Variants in LOXL2 observed in about 807,000 individuals in gnomAD.
The protein encoded by LOXL2 is lysyl oxidase homolog 2.
LOXL2 carries 70 observed loss-of-function variants against 93.0 expected under a neutral mutation model. That is an observed-to-expected ratio of 0.75 (90% confidence interval 0.62 to 0.92). The LOEUF (loss-of-function observed/expected upper bound fraction) is 0.92. Ranked by LOEUF, LOXL2 falls within the 40% of genes least tolerant of loss-of-function variation. The pLI is 0.00. For missense variants in LOXL2, 973 were observed against 1,054.9 expected, an observed-to-expected ratio of 0.92 and a Z score of 1.08; for synonymous variants, 438 against 413.2, an observed-to-expected ratio of 1.06 and a Z score of -0.73.
chr8:23,329,382 TG>T (rs1175734479), intron 5 of LOXL2, among the ~76,000 whole-genome samples: 1 of 152,242 alleles, frequency 6.6e-6, no homozygotes, highest in Non-Finnish European at 1.5e-5. Flanking sequence ...ACTGACAGTC[TG>T]GAAGCTTTAA....
intron 9 of LOXL2, among the ~76,000 whole-genome samples, chr8:23,313,960 A>AACAC (rs1803353814): frequency 2.2e-5 from 2 of 88,940 alleles, no homozygotes; most frequent in South Asian, 6.4e-4. Flanking sequence ...GAAAAAAACA[A>AACAC]CCCCATCAAA....
intron 10 of LOXL2, among the ~76,000 whole-genome samples, chr8:23,305,641 G>A (rs1176234379): frequency 6.6e-6 from 1 of 152,038 alleles, no homozygotes; most frequent in African/African-American, 2.4e-5. Context: ...TGACCCTTGG[G>A]CATCTAGGAG....
intron 1 of LOXL2, among the ~76,000 whole-genome samples, chr8:23,388,623 T>TCA (rs10522826): frequency 0.019 from 2,729 of 142,854 alleles, 34 homozygotes; most frequent in Middle Eastern, 0.05. Flanking sequence ...AAAAATATAC[T>TCA]CACACACACA....
Position 23,316,800 on chromosome 8 carries a change from T to A in LOXL2, c.1636+149A>T. ...CTGTGGTTGGGGTGGCGGTCATCTC[T>A]CTTGCCCCCAGTTTTTCTCCCTTAG... On this transcript the variant is annotated intron_variant, in intron 9 of 13. Coordinates refer to ENST00000389131, the MANE Select transcript of LOXL2 (RefSeq NM_002318.3). 3 of 787,794 alleles carry A rather than the reference T, an allele frequency of 3.8e-6. No homozygotes were observed. The Admixed American group carries it at 9.7e-5, about 26-fold the overall frequency. 48.8% of individuals were successfully genotyped at this position (787,794 alleles called of 1,614,324 possible).
At chr8:23,329,439 C>T (rs1473038738) in intron 5 of LOXL2, among the ~76,000 whole-genome samples, 12 of 152,198 alleles carry the variant, frequency 7.9e-5, no homozygotes, top group East Asian at 1.9e-4. Context: ...AGACTCTCTA[C>T]GTCTTGGCCA....
At chr8:23,382,168 T>C (rs189058022) in intron 1 of LOXL2, among the ~76,000 whole-genome samples, 1 of 152,248 alleles carries the variant, frequency 6.6e-6, no homozygotes, top group Non-Finnish European at 1.5e-5. Context: ...CAGAAAACCA[T>C]GTCCCCTTTT....
intron 10 of LOXL2, among the ~76,000 whole-genome samples, chr8:23,304,863 C>T (rs905386221): frequency 6.6e-6 from 1 of 152,084 alleles, no homozygotes; most frequent in Admixed American, 6.6e-5. Flanking sequence ...AGTGGGGGCA[C>T]GGGGAACGGG....
At chr8:23,304,121 G>T (rs991804845) in intron 10 of LOXL2, among the ~76,000 whole-genome samples, 1 of 149,904 alleles carries the variant, frequency 6.7e-6, no homozygotes, top group Non-Finnish European at 1.5e-5. Context: ...TCATCCTCAG[G>T]GGCACACAGC....
At chr8:23,366,400 A>G (rs17089165) in intron 2 of LOXL2, among the ~76,000 whole-genome samples, 7,504 of 152,298 alleles carry the variant, frequency 0.049, 587 homozygotes, top group African/African-American at 0.17. Flanking sequence ...GAAATTTTCA[A>G]TTGCATGGAG....
chr8:23,358,834 C>T (rs1450115637), intron 3 of LOXL2, among the ~76,000 whole-genome samples: 1 of 148,986 alleles, frequency 6.7e-6, no homozygotes, highest in African/African-American at 2.5e-5. Context: ...TGGGGAGGCC[C>T]CAGTACCTGC....
At chr8:23,383,648 T>G (rs922056596) in intron 1 of LOXL2, among the ~76,000 whole-genome samples, 3 of 23,216 alleles carry the variant, frequency 1.3e-4, no homozygotes, top group African/African-American at 1.2e-3. Context: ...ACTTTTACGT[T>G]TTTTTTTTGT....
In LOXL2 at chr8:23,297,424, C is replaced by CT. The variant is rs1382782676; in HGVS notation, c.*618dup. The stretch of plus-strand genomic sequence containing the variant: ...GCCAATAAATTTGTGCTTCAAAAGT[C>CT]TGTGAAAATATAATAATAGTATCTT... On this transcript the variant is annotated 3_prime_UTR_variant, in exon 14 of 14. Transcript: ENST00000389131. 2 of 152,160 alleles carry CT rather than the reference C, an allele frequency of 1.3e-5. No individual in the cohort carries two copies. Among genetic ancestry groups the CT allele is most frequent in the Non-Finnish European group, 2.9e-5 (2 of 68,062 alleles). 9.4% of individuals were successfully genotyped at this position (152,160 alleles called of 1,614,324 possible).
At chr8:23,400,362 C>A (rs972066231) in intron 1 of LOXL2, among the ~76,000 whole-genome samples, 21 of 152,230 alleles carry the variant, frequency 1.4e-4, no homozygotes, top group African/African-American at 3.6e-4. Context: ...TGGTGGCAGG[C>A]AAGAGAGCAT....
chr8:23,347,741 G>C (rs1239026496), intron 3 of LOXL2, among the ~76,000 whole-genome samples: 1 of 152,106 alleles, frequency 6.6e-6, no homozygotes, highest in Non-Finnish European at 1.5e-5. Flanking sequence ...AACTGAAGCA[G>C]GAGGATAGCT....
At chr8:23,308,133 C>T (rs868821773) in intron 10 of LOXL2, among the ~76,000 whole-genome samples, 10 of 152,072 alleles carry the variant, frequency 6.6e-5, no homozygotes, top group African/African-American at 2.2e-4. Context: ...TCTAGGAGAA[C>T]GAAGGTTCCC....
At chr8:23,332,904 A>C (rs1803727373) in intron 5 of LOXL2, among the ~76,000 whole-genome samples, 1 of 141,546 alleles carries the variant, frequency 7.1e-6, no homozygotes, top group Non-Finnish European at 1.5e-5. Flanking sequence ...CCATACACAT[A>C]CACCCCCCCC....
At chr8:23,327,523 A>G (rs1162165490) in intron 6 of LOXL2, among the ~76,000 whole-genome samples, 1 of 152,028 alleles carries the variant, frequency 6.6e-6, no homozygotes, top group Non-Finnish European at 1.5e-5. Context: ...TCCCAGCCAT[A>G]GCAGCCGACG....
intron 9 of LOXL2, among the ~76,000 whole-genome samples, chr8:23,311,562 A>T (rs553834260): frequency 6.6e-6 from 1 of 151,650 alleles, no homozygotes; most frequent in South Asian, 2.1e-4. Context: ...GGGATCGTTA[A>T]TGTACCATGG....
chr8:23,302,303 T>A, intron 11 of LOXL2, 140 bp from the exon 12 acceptor site: 4 of 976,278 alleles, frequency 4.1e-6, no homozygotes, highest in Non-Finnish European at 6.2e-6. Context: ...TCATCTGTTC[T>A]CATTTCAGTA....
Sources: allele counts gnomAD v4.1 joint callset (sites outside exome capture counted in the v4.1 genomes callset), GRCh38; gene constraint gnomAD v4.1.1; transcripts MANE v1.5; gene names NCBI Gene and HGNC (gene_info 2026-07-23, HGNC 2026-07-21).